The following CNTNAP2 variants were observed in gnomAD, a reference collection of about 807,000 sequenced individuals.
CNTNAP2 encodes contactin associated protein 2.
CNTNAP2 carries 98 observed loss-of-function variants against 155.2 expected under a neutral mutation model. That is an observed-to-expected ratio of 0.63 (90% CI 0.54 to 0.75). CNTNAP2 has a LOEUF of 0.75. CNTNAP2 is among the 30% of genes least tolerant of loss of function. CNTNAP2 has a pLI of 0.00. For missense variants in CNTNAP2, 1,727 were observed against 1,688.1 expected, an observed-to-expected ratio of 1.02 and a Z score of -0.40; for synonymous variants, 651 against 631.2, an observed-to-expected ratio of 1.03 and a Z score of -0.47.
intron 14 of CNTNAP2, among the ~76,000 whole-genome samples, chr7:147,972,995 A>G (rs1801360596): frequency 6.6e-6 from 1 of 151,958 alleles, no homozygotes. Context: ...GTCTCTACAA[A>G]AAAAACATTT....
chr7:146,208,533 A>G (rs1445312962), intron 1 of CNTNAP2: 1 of 152,130 alleles, frequency 6.6e-6, no homozygotes, highest in East Asian at 1.9e-4. Flanking sequence ...GAAGGAAAAA[A>G]AAAGCACAGA....
chr7:147,836,489 C>T (rs1270387057), intron 13 of CNTNAP2, among the ~76,000 whole-genome samples: 1 of 152,158 alleles, frequency 6.6e-6, no homozygotes, highest in Non-Finnish European at 1.5e-5. Flanking sequence ...TCAACATCAG[C>T]TCCAAAGTGC....
chr7:147,919,459 C>CTTTCTTTCTT (rs58537091), intron 14 of CNTNAP2, among the ~76,000 whole-genome samples: 1 of 51,240 alleles, frequency 2.0e-5, no homozygotes, highest in African/African-American at 1.1e-4. Context: ...CTTTTTCTTT[C>CTTTCTTTCTT]TTTTTTTTTT....
At chr7:148,225,108 A>G (rs530944637) in intron 19 of CNTNAP2, among the ~76,000 whole-genome samples, 1 of 152,328 alleles carries the variant, frequency 6.6e-6, no homozygotes, top group East Asian at 1.9e-4. Flanking sequence ...TATTCTAGAC[A>G]TTGGGAATAG....
intron 10 of CNTNAP2, among the ~76,000 whole-genome samples, chr7:147,467,893 T>A (rs1367613974): frequency 4.0e-5 from 6 of 151,864 alleles, no homozygotes; most frequent in African/African-American, 1.5e-4. Context: ...CAGCCAGGCA[T>A]GGTGATGCAT....
At chr7:147,466,240 C>T (rs1282521564) in intron 10 of CNTNAP2, among the ~76,000 whole-genome samples, 1 of 152,212 alleles carries the variant, frequency 6.6e-6, no homozygotes, top group African/African-American at 2.4e-5. Flanking sequence ...CTAAGTTCTT[C>T]TTGGCCTCTC....
chr7:148,280,254 G>T (rs948605791), intron 21 of CNTNAP2, among the ~76,000 whole-genome samples: 1 of 152,156 alleles, frequency 6.6e-6, no homozygotes. Context: ...AAGTTGCAGT[G>T]AGCCAAGATC....
chr7:146,370,127 A>G (rs1795213167), intron 1 of CNTNAP2, among the ~76,000 whole-genome samples: 1 of 151,776 alleles, frequency 6.6e-6, no homozygotes, highest in African/African-American at 2.4e-5. Flanking sequence ...TAAAAAAAAA[A>G]AGTTTTTTCT....
intron 9 of CNTNAP2, among the ~76,000 whole-genome samples, chr7:147,362,495 A>T (rs1343041336): frequency 6.6e-6 from 1 of 152,126 alleles, no homozygotes; most frequent in East Asian, 1.9e-4. Context: ...TTCCACCATG[A>T]TCTGTCAGTC....
At chr7:146,299,755 G>C (rs1190177413) in intron 1 of CNTNAP2, among the ~76,000 whole-genome samples, 1 of 152,058 alleles carries the variant, frequency 6.6e-6, no homozygotes, top group African/African-American at 2.4e-5. Context: ...CGACTTATGT[G>C]AAACCTTCAG....
At chr7:147,587,191 A>G (rs374316382) in intron 12 of CNTNAP2, among the ~76,000 whole-genome samples, 1 of 152,192 alleles carries the variant, frequency 6.6e-6, no homozygotes, top group African/African-American at 2.4e-5. Context: ...GATTTACAGA[A>G]TGCAGGGTCA....
chr7:148,269,035 G>A (rs1379667472), intron 21 of CNTNAP2, among the ~76,000 whole-genome samples: 1 of 152,076 alleles, frequency 6.6e-6, no homozygotes, highest in Middle Eastern at 3.2e-3. Context: ...CCAGGAAGTG[G>A]TCAAGAACAA....
At chr7:146,140,752 A>G (rs1310175190) in intron 1 of CNTNAP2, among the ~76,000 whole-genome samples, 2 of 152,158 alleles carry the variant, frequency 1.3e-5, no homozygotes, top group Non-Finnish European at 2.9e-5. Flanking sequence ...CGAAGAAAGA[A>G]AAAGAATCAG....
chr7:148,187,717 C>T (rs1795142721), intron 18 of CNTNAP2, among the ~76,000 whole-genome samples: 1 of 152,172 alleles, frequency 6.6e-6, no homozygotes, highest in Middle Eastern at 3.2e-3. Context: ...TACTGCATTA[C>T]ACTACATGGC....
intron 1 of CNTNAP2, among the ~76,000 whole-genome samples, chr7:146,215,916 A>T (rs1799105656): frequency 6.6e-6 from 1 of 152,188 alleles, no homozygotes; most frequent in Non-Finnish European, 1.5e-5. Flanking sequence ...TTCTTCTTAA[A>T]GCAGATTCTT....
At chr7:147,481,030 G>A (rs760788269) in intron 10 of CNTNAP2, among the ~76,000 whole-genome samples, 29 of 152,112 alleles carry the variant, frequency 1.9e-4, no homozygotes, top group Non-Finnish European at 3.7e-4. Flanking sequence ...TGTTCATTGC[G>A]CTTGGTACCA....
chr7:148,033,452 A>G (rs1490186909), intron 15 of CNTNAP2, among the ~76,000 whole-genome samples: 2 of 147,964 alleles, frequency 1.4e-5, no homozygotes, highest in African/African-American at 5.0e-5. Flanking sequence ...CTATTGACCC[A>G]TCCTCTAAGT....
chr7:146,847,559 T>C (rs1794784251), intron 3 of CNTNAP2, among the ~76,000 whole-genome samples: 1 of 152,188 alleles, frequency 6.6e-6, no homozygotes, highest in Non-Finnish European at 1.5e-5. Flanking sequence ...AATCACTCAA[T>C]TATTTTATAC....
At chr7:148,337,013 G>A (rs935274916) in intron 21 of CNTNAP2, among the ~76,000 whole-genome samples, 2 of 110,738 alleles carry the variant, frequency 1.8e-5, no homozygotes, top group Admixed American at 1.0e-4. Flanking sequence ...GTGAAATTAG[G>A]CAACATATAT....
Sources: gnomAD v4.1 joint callset for allele counts (sites outside exome capture counted in the v4.1 genomes callset) on GRCh38, gnomAD v4.1.1 for gene constraint, MANE v1.5 for transcripts, NCBI Gene and HGNC (gene_info 2026-07-23, HGNC 2026-07-21) for gene names.